CHRM3: variants seen among roughly 807,000 people sequenced by gnomAD.
The protein encoded by CHRM3 is cholinergic receptor muscarinic 3.
A neutral mutation model predicts 41.8 loss-of-function variants in CHRM3; 11 were observed. The ratio of observed to expected loss-of-function variants is 0.26; its 90% CI spans 0.17 to 0.44. The LOEUF (loss-of-function observed/expected upper bound fraction) is 0.44, where lower values mean the gene tolerates loss of function less well. Ranked by LOEUF, CHRM3 falls within the 20% of genes least tolerant of loss-of-function variation. The pLI is 1.00. For synonymous variants in CHRM3, 297 were observed against 301.4 expected (o/e 0.99, Z 0.15); for missense variants, 571 against 745.4 (o/e 0.77, Z 2.72).
intron 1 of CHRM3, among the ~76,000 whole-genome samples, chr1:239,394,126 G>T (rs747137898): frequency 1.6e-4 from 24 of 152,158 alleles, no homozygotes; most frequent in Non-Finnish European, 3.2e-4. Context: ...AACAAATCTG[G>T]GTTGGAAGGG....
chr1:239,836,541 G>A (rs910046821), intron 6 of CHRM3, among the ~76,000 whole-genome samples: 8 of 152,164 alleles, frequency 5.3e-5, no homozygotes, highest in Non-Finnish European at 7.3e-5. Flanking sequence ...TGCTAGAAAT[G>A]CGGAAGCCAA....
At chr1:239,506,115 C>T (rs1201267703) in intron 2 of CHRM3, among the ~76,000 whole-genome samples, 1 of 152,140 alleles carries the variant, frequency 6.6e-6, no homozygotes, top group Admixed American at 6.5e-5. Flanking sequence ...GGAAAATCTG[C>T]AGCCTGGCAA....
chr1:239,518,907 C>T (rs999669383), intron 2 of CHRM3, among the ~76,000 whole-genome samples: 6 of 152,210 alleles, frequency 3.9e-5, no homozygotes, highest in African/African-American at 7.2e-5. Flanking sequence ...AATTTACCTT[C>T]GAAAAGTTTT....
intron 5 of CHRM3, among the ~76,000 whole-genome samples, chr1:239,800,936 C>G (rs1341449629): frequency 1.3e-5 from 2 of 151,732 alleles, no homozygotes; most frequent in Non-Finnish European, 2.9e-5. Flanking sequence ...TTTCCCCTTT[C>G]AAGTTACACT....
intron 5 of CHRM3, among the ~76,000 whole-genome samples, chr1:239,706,019 G>T (rs1000966133): frequency 1.3e-5 from 2 of 150,170 alleles, no homozygotes; most frequent in Non-Finnish European, 3.0e-5. Flanking sequence ...CAAAGAGAAT[G>T]ATTATCATTT....
intron 4 of CHRM3, among the ~76,000 whole-genome samples, chr1:239,668,198 A>G (rs1284578093): frequency 7.0e-6 from 1 of 142,576 alleles, no homozygotes; most frequent in African/African-American, 2.6e-5. Flanking sequence ...TCCGAGGCCC[A>G]AGCAATTCTC....
At chr1:239,419,055 T>C (rs1159873050) in intron 1 of CHRM3, among the ~76,000 whole-genome samples, 3 of 152,096 alleles carry the variant, frequency 2.0e-5, no homozygotes, top group East Asian at 1.9e-4. Context: ...TAGAACACAT[T>C]TGGGAGTAAG....
rs79328810 is a variant in CHRM3, at chr1:239,450,390, C to T, written c.-520-42319C>T. Among the ~76,000 whole-genome samples, 103 of 152,226 alleles carry T rather than the reference C, an allele frequency of 6.8e-4. 2 individuals are homozygous for T. The East Asian group carries it at 0.019, about 28-fold the overall frequency. On this transcript the variant is annotated intron_variant, in intron 1 of 6. Coordinates refer to ENST00000676153, the MANE Select transcript of CHRM3 (RefSeq NM_001375978.1). ...AGAACAAACAATAGTAACAAAAAAACCAACTTAGGAATTTATTTGTATACT... is the reference window on the plus strand; with the variant it reads ...AGAACAAACAATAGTAACAAAAAAATCAACTTAGGAATTTATTTGTATACT...
intron 4 of CHRM3, among the ~76,000 whole-genome samples, chr1:239,641,324 A>G (rs1321617161): frequency 2.0e-5 from 3 of 151,182 alleles, no homozygotes; most frequent in Non-Finnish European, 4.4e-5. Flanking sequence ...TATCCTTGTT[A>G]ACTTTCTGTC....
intron 1 of CHRM3, among the ~76,000 whole-genome samples, chr1:239,395,381 G>A (rs918065837): frequency 6.6e-6 from 1 of 151,948 alleles, no homozygotes; most frequent in Non-Finnish European, 1.5e-5. Flanking sequence ...TCCCCTCCTG[G>A]GGTTCCTATT....
At chr1:239,788,950 A>G (rs763361507) in intron 5 of CHRM3, among the ~76,000 whole-genome samples, 3 of 152,238 alleles carry the variant, frequency 2.0e-5, no homozygotes, top group Non-Finnish European at 2.9e-5. Flanking sequence ...TATAACTTAC[A>G]AACTCTAAAA....
intron 6 of CHRM3, among the ~76,000 whole-genome samples, chr1:239,877,863 T>C (rs764158464): frequency 1.3e-5 from 2 of 151,692 alleles, no homozygotes; most frequent in Non-Finnish European, 2.9e-5. Context: ...TCAAGTGCAT[T>C]ACATTTATTG....
chr1:239,611,620 C>T (rs534602538), intron 3 of CHRM3, among the ~76,000 whole-genome samples: 131 of 152,104 alleles, frequency 8.6e-4, no homozygotes, highest in African/African-American at 2.9e-3. Context: ...GGGGTTTCAC[C>T]ATGTTGGCCA....
At chr1:239,522,304 C>T (rs1669702218) in intron 2 of CHRM3, among the ~76,000 whole-genome samples, 1 of 152,198 alleles carries the variant, frequency 6.6e-6, no homozygotes, top group Admixed American at 6.5e-5. Flanking sequence ...CACATGGAGA[C>T]AAGTTGTGGC....
chr1:239,667,828 CTT>C (rs530808382), intron 4 of CHRM3, among the ~76,000 whole-genome samples: 306 of 152,258 alleles, frequency 2.0e-3, no homozygotes, highest in African/African-American at 6.8e-3. Context: ...TCTGTCATGT[CTT>C]TTATTGTCTT....
intron 5 of CHRM3, among the ~76,000 whole-genome samples, chr1:239,821,916 G>A (rs1672083850): frequency 6.6e-6 from 1 of 152,076 alleles, no homozygotes; most frequent in Non-Finnish European, 1.5e-5. Flanking sequence ...AAGATCTGAT[G>A]GTTTAATAAC....
chr1:239,842,229 AG>A (rs1054803498), intron 6 of CHRM3, among the ~76,000 whole-genome samples: 6 of 88,032 alleles, frequency 6.8e-5, no homozygotes, highest in Admixed American at 6.2e-4. Flanking sequence ...TTTTTTTTTG[AG>A]GGGGTTGGGG....
At chr1:239,751,681 A>G (rs914695483) in intron 5 of CHRM3, among the ~76,000 whole-genome samples, 3 of 152,334 alleles carry the variant, frequency 2.0e-5, no homozygotes, top group African/African-American at 4.8e-5. Context: ...AACAAAGAGC[A>G]TAGGCACTCA....
At chr1:239,399,751 A>G (rs1297049145) in intron 1 of CHRM3, among the ~76,000 whole-genome samples, 2 of 152,172 alleles carry the variant, frequency 1.3e-5, no homozygotes, top group Non-Finnish European at 2.9e-5. Context: ...TTCTGTTGAT[A>G]GACACTTAGT....
Sources: gnomAD v4.1 joint callset for allele counts (sites outside exome capture counted in the v4.1 genomes callset) on GRCh38, gnomAD v4.1.1 for gene constraint, MANE v1.5 for transcripts, NCBI Gene and HGNC (gene_info 2026-07-23, HGNC 2026-07-21) for gene names.